The following CCDC40 variants were observed in gnomAD, a reference collection of about 807,000 sequenced individuals.
The protein encoded by CCDC40 is coiled-coil domain-containing protein 40.
CCDC40 carries 104 observed loss-of-function variants against 124.5 expected under a neutral mutation model. The ratio of observed to expected loss-of-function variants is 0.84; its 90% CI spans 0.71 to 0.98. The LOEUF (loss-of-function observed/expected upper bound fraction) is 0.98, where lower values mean the gene tolerates loss of function less well. CCDC40 is among the 50% of genes least tolerant of loss of function. The pLI is 0.00. For missense variants in CCDC40, 1,463 were observed against 1,503.9 expected (o/e 0.97, Z 0.45); for synonymous variants, 580 against 602.9 (o/e 0.96, Z 0.56).
At chr17:80,051,857 G>A (rs564669952) in intron 7 of CCDC40, among the ~76,000 whole-genome samples, 20 of 152,322 alleles carry the variant, frequency 1.3e-4, no homozygotes, top group South Asian at 1.2e-3. Flanking sequence ...AGCGCCCTCC[G>A]GCTCCCCTCT....
At chr17:80,077,934 T>C (rs1275947743) in intron 10 of CCDC40, among the ~76,000 whole-genome samples, 1 of 152,222 alleles carries the variant, frequency 6.6e-6, no homozygotes, top group Non-Finnish European at 1.5e-5. Context: ...TTTACCTCTT[T>C]ACAGTGTCTT....
At position 80,058,164 on chromosome 17, in the gene CCDC40, TC is replaced by T; in HGVS notation, c.1160-329del. Among the ~76,000 whole-genome samples, 2 of 152,296 alleles carry T rather than the reference TC, an allele frequency of 1.3e-5. No individual in the cohort carries two copies. The highest frequency in any genetic ancestry group is 1.3e-4 in the Admixed American group (2 of 15,296). ...TTTCAGTGGTAAGACATCTATGCAA[TC>T]AACCCGAAGCCTTACCACCTGGCAC... On this transcript the variant is annotated intron_variant, in intron 7 of 19. Coordinates refer to ENST00000397545, the MANE Select transcript of CCDC40 (RefSeq NM_017950.4). This position sits in a 1 kb window ranked among gnomAD's most constrained non-coding sequence, Gnocchi z 4.2.
intron 16 of CCDC40, 32 bp downstream of exon 16, chr17:80,088,134 A>G (rs140481187): frequency 3.3e-6 from 5 of 1,501,740 alleles, no homozygotes; most frequent in East Asian, 4.5e-5. Flanking sequence ...CACGTGGGTC[A>G]TGAAGGTCAC....
At position 80,099,788 on chromosome 17, in the gene CCDC40, A is replaced by AC; in HGVS notation, c.*14dup. 1 of 1,612,000 alleles carries AC rather than the reference A, an allele frequency of 6.2e-7. No individual in the cohort carries two copies. The highest frequency in any genetic ancestry group is 1.3e-5 in the African/African-American group (1 of 74,872). On this transcript the variant is annotated 3_prime_UTR_variant, in exon 20 of 20. Coordinates refer to ENST00000397545, the MANE Select transcript of CCDC40 (RefSeq NM_017950.4). ...AGGGCCCTCCTAGGGAGCAGCCTGG[A>AC]CTCCGCCTTGCAAGGCCTCCAGGAA...
rs373383132 is a variant in CCDC40 at position 80,065,472 on chromosome 17, C to G, written c.1441-13C>G. ...GAGACAGCCATTCCTGCCCCCTCCC[C>G]TGTTGGCTGCAGGCCTGCACCGAGA... On this transcript the variant is annotated splice_polypyrimidine_tract_variant and intron_variant, in intron 9 of 19. Transcript: ENST00000397545. 36 of 1,612,198 alleles carry G rather than the reference C, an allele frequency of 2.2e-5. No homozygotes were observed. In the African/African-American group the frequency reaches 4.6e-4, roughly 20 times the overall value.
intron 10 of CCDC40, among the ~76,000 whole-genome samples, chr17:80,079,650 G>A (rs570233103): frequency 1.1e-4 from 17 of 152,146 alleles, no homozygotes; most frequent in Non-Finnish European, 2.5e-4. Context: ...CACCAGGCAC[G>A]GTGGCTCATG....
chr17:80,091,334 C>CAGAG lies in CCDC40; in HGVS notation c.2832+1451_2832+1452insGAGA, dbSNP rs1358658983. Among the ~76,000 whole-genome samples the CAGAG allele has an allele frequency of 5.1e-3, 519 of 102,692 alleles. 5 individuals are homozygous for CAGAG. Among genetic ancestry groups the CAGAG allele is most frequent in the African/African-American group, 0.017 (497 of 29,748 alleles). 67.4% of individuals were successfully genotyped at this position (102,692 alleles called of 152,430 possible). A position where few individuals can be genotyped will look rare whatever the true frequency, so the allele number is the denominator to read the frequency against. On this transcript the variant is annotated intron_variant, in intron 17 of 19. Coordinates refer to ENST00000397545, the MANE Select transcript of CCDC40 (RefSeq NM_017950.4). The stretch of plus-strand genomic sequence containing the variant: ...ACACACACACACACACACACACACA[C>CAGAG]ACACACACAGAGAGAGAGAGAGAGA...
At position 80,048,567 on chromosome 17, in the gene CCDC40, C is replaced by T. The variant is rs773069808; in HGVS notation, c.677-16C>T. 3 of 1,608,824 alleles carry T rather than the reference C, an allele frequency of 1.9e-6. No homozygotes were observed. The highest frequency in any genetic ancestry group is 1.1e-5 in the South Asian group (1 of 90,898). On this transcript the variant is annotated splice_polypyrimidine_tract_variant and intron_variant, in intron 4 of 19. Transcript: ENST00000397545. ...CTCCAGCAGCTCCTCAATGGTGTCG[C>T]TGTCTCTCCCCCCAGTGATCCCCCC...
At chr17:80,077,026 A>G (rs1238715586) in intron 10 of CCDC40, among the ~76,000 whole-genome samples, 4 of 152,174 alleles carry the variant, frequency 2.6e-5, no homozygotes, top group African/African-American at 9.6e-5. Context: ...GTGGACCACC[A>G]CGCCCAGCCT....
chr17:80,078,933 T>TTC (rs1491555938), intron 10 of CCDC40, among the ~76,000 whole-genome samples: 2 of 88,454 alleles, frequency 2.3e-5, no homozygotes, highest in African/African-American at 8.8e-5. Flanking sequence ...TATCAGTATC[T>TTC]TTTTTTTTTT....
intron 9 of CCDC40, among the ~76,000 whole-genome samples, chr17:80,064,966 C>T (rs534931869): frequency 6.6e-6 from 1 of 151,990 alleles, no homozygotes; most frequent in African/African-American, 2.4e-5. Context: ...CACCACCAAC[C>T]CTGCAGAGGT....
chr17:80,037,688 A>AAAAAAAAAAATATATAT, intron 1 of CCDC40, among the ~76,000 whole-genome samples: 4 of 45,676 alleles, frequency 8.8e-5, no homozygotes, highest in African/African-American at 2.4e-4. Context: ...TTTTTTAAAA[A>AAAAAAAAAAATATATAT]AGATATACAT....
intron 12 of CCDC40, among the ~76,000 whole-genome samples, chr17:80,082,499 C>T (rs2038477453): frequency 6.6e-6 from 1 of 152,078 alleles, no homozygotes; most frequent in African/African-American, 2.4e-5. Flanking sequence ...CCCAACACCC[C>T]GCCTCAAGCA....
intron 3 of CCDC40, chr17:80,040,476 C>A: frequency 1.7e-6 from 1 of 586,412 alleles, no homozygotes; most frequent in Non-Finnish European, 3.0e-6. Flanking sequence ...GTCAGGAGTT[C>A]GAGACCAGCC....
rs1598500469 is a variant in CCDC40 at position 80,058,789 on chromosome 17, G to C, written c.1318-69G>C. ...CTGGGTGGCGTCAACTTGTATCAAG[G>C]GTTGGTGGAGAACAGGCCCTCAGCC... On this transcript the variant is annotated intron_variant, in intron 8 of 19. Transcript: ENST00000397545. This position sits in a 1 kb window ranked among gnomAD's most constrained non-coding sequence, Gnocchi z 4.2. The C allele has an allele frequency of 5.0e-6, 8 of 1,612,218 alleles. No homozygotes were observed. In the South Asian group the frequency reaches 8.8e-5, roughly 18 times the overall value.
rs1484679666 is a variant in CCDC40 at position 80,036,894 on chromosome 17, C to A, written c.29+203C>A. 28 of 477,858 alleles carry A rather than the reference C, an allele frequency of 5.9e-5. No individual in the cohort carries two copies. The South Asian group carries it at 1.0e-3, about 17-fold the overall frequency. The allele number at this position is 477,858 out of a possible 1,614,324, so 29.6% of individuals were successfully genotyped here. The stretch of plus-strand genomic sequence containing the variant: ...CCCTCACCCCCCCGCCAACCCTTCT[C>A]ACTTCTCCCCTCCTGTCCCTTTGTC... On this transcript the variant is annotated intron_variant, in intron 1 of 19. Coordinates refer to ENST00000397545, the MANE Select transcript of CCDC40 (RefSeq NM_017950.4).
Position 80,089,858 on chromosome 17 carries a change from A to G in CCDC40, c.2806A>G (p.Met936Val). ...SEIGQTEIRA[M>V]KGEIHRMKVR... is the part of the protein sequence containing the mutation. Reference sequence around the variant, plus strand: ...GATCGGCCAGACGGAGATCCGGGCCATGAAGGGCGAGATCCACAGGATGAA... The same window carrying G: ...GATCGGCCAGACGGAGATCCGGGCCGTGAAGGGCGAGATCCACAGGATGAA... Residue 936 changes from methionine to valine, a missense_variant, in exon 17 of 20, where the codon ATG becomes GTG. Met to Val is a conservative substitution (Grantham distance 21). Coordinates refer to ENST00000397545, the MANE Select transcript of CCDC40 (RefSeq NM_017950.4). The G allele has an allele frequency of 1.9e-6, 3 of 1,614,256 alleles. No homozygotes were observed. The highest frequency in any genetic ancestry group is 1.7e-6 in the Non-Finnish European group (2 of 1,180,046).
At position 80,047,295 on chromosome 17, in the gene CCDC40, A is replaced by C. The variant is rs1568673922; in HGVS notation, c.569A>C (p.Glu190Ala). 1.9e-6 allele frequency: 3 copies of C among 1,613,950 alleles called. No homozygotes were observed. Among genetic ancestry groups the C allele is most frequent in the Admixed American group, 1.7e-5 (1 of 59,998 alleles). Residue 190 changes from glutamate to alanine, a missense_variant, in exon 4 of 20, where the codon GAG becomes GCG. Glu to Ala is a moderately radical substitution (Grantham distance 107). Coordinates refer to ENST00000397545, the MANE Select transcript of CCDC40 (RefSeq NM_017950.4). ...AVGRLTGSTEEPQGQVLPMGV... is the reference protein window; with the variant it reads ...AVGRLTGSTEAPQGQVLPMGV... ...TTGCCATAGACAGGATCCACAGAGG[A>C]GCCCCAGGGGCAGGTGCTCCCAATG...
At chr17:80,037,688 A>AAAATATATATATATATATATAT in intron 1 of CCDC40, among the ~76,000 whole-genome samples, 6 of 45,700 alleles carry the variant, frequency 1.3e-4, no homozygotes, top group African/African-American at 2.4e-4. Context: ...TTTTTTAAAA[A>AAAATATATATATATATATATAT]AGATATACAT....
Sources: allele counts gnomAD v4.1 joint callset (sites outside exome capture counted in the v4.1 genomes callset), GRCh38; gene constraint gnomAD v4.1.1; non-coding constraint Gnocchi (gnomAD v3.1); transcripts MANE v1.5; gene names NCBI Gene and HGNC (gene_info 2026-07-23, HGNC 2026-07-21).